The following EML6 variants were observed in gnomAD, a reference collection of about 807,000 sequenced individuals.
EML6 encodes echinoderm microtubule-associated protein-like 6.
EML6 carries 154 observed loss-of-function variants against 240.1 expected under a neutral mutation model. The ratio of observed to expected loss-of-function variants is 0.64; its 90% CI spans 0.56 to 0.73. The LOEUF is 0.73. Among genes scored for constraint, EML6 ranks in the 30% least tolerant of loss-of-function variants. EML6 has a pLI of 0.00. For missense variants in EML6, 2,964 were observed against 2,474.6 expected (o/e 1.20, Z -4.20); for synonymous variants, 1,148 against 899.0 (o/e 1.28, Z -4.95).
intron 2 of EML6, among the ~76,000 whole-genome samples, chr2:54,807,257 A>C (rs940315488): frequency 6.6e-6 from 1 of 152,238 alleles, no homozygotes; most frequent in African/African-American, 2.4e-5. Flanking sequence ...GCAAATGATT[A>C]AAGTTCCAAT....
chr2:54,892,165 C>G (rs949082133), intron 18 of EML6, among the ~76,000 whole-genome samples: 1 of 152,184 alleles, frequency 6.6e-6, no homozygotes, highest in African/African-American at 2.4e-5. Context: ...TGATTGCTCT[C>G]TCCAGCCAGA....
intron 28 of EML6, among the ~76,000 whole-genome samples, chr2:54,940,772 C>T (rs1178046750): frequency 2.0e-5 from 3 of 152,152 alleles, no homozygotes; most frequent in African/African-American, 7.2e-5. Context: ...CCAGTTGGCC[C>T]TGGGACTGCA....
At chr2:54,793,257 A>C (rs1180033529) in intron 2 of EML6, among the ~76,000 whole-genome samples, 1 of 152,170 alleles carries the variant, frequency 6.6e-6, no homozygotes, top group East Asian at 1.9e-4. Flanking sequence ...ACAGAGCAAG[A>C]CTGTCACAAA....
chr2:54,971,848 ATGAAAAACTTATT>A lies in EML6; in HGVS notation c.*1756_*1768del, dbSNP rs1284977718. On this transcript the variant is annotated 3_prime_UTR_variant, in exon 42 of 42. Coordinates refer to ENST00000356458, the MANE Select transcript of EML6 (RefSeq NM_001039753.4). ...TAAAGAGCAATAGTGTCCGTGTGTCATGAAAAACTTATTTGTAAACGTTTATATGGTATGATTT... is the reference window on the plus strand; with the variant it reads ...TAAAGAGCAATAGTGTCCGTGTGTCATGTAAACGTTTATATGGTATGATTT... The A allele has an allele frequency of 6.6e-6, 1 of 152,264 alleles. No homozygotes were observed. The highest frequency in any genetic ancestry group is 1.5e-5 in the Non-Finnish European group (1 of 68,038). 9.4% of individuals were successfully genotyped at this position (152,264 alleles called of 1,614,324 possible).
chr2:54,910,419 T>C (rs1300428195), intron 24 of EML6, among the ~76,000 whole-genome samples: 1 of 152,254 alleles, frequency 6.6e-6, no homozygotes, highest in East Asian at 1.9e-4. Context: ...TGGATTTCTT[T>C]TCAAATGTTC....
At chr2:54,814,701 G>C (rs1668006452) in intron 3 of EML6, among the ~76,000 whole-genome samples, 1 of 152,226 alleles carries the variant, frequency 6.6e-6, no homozygotes, top group Non-Finnish European at 1.5e-5. Flanking sequence ...TATAGGAGTT[G>C]ACCTGGGTTG....
intron 13 of EML6, among the ~76,000 whole-genome samples, chr2:54,865,184 G>T (rs1670904342): frequency 6.6e-6 from 1 of 152,076 alleles, no homozygotes; most frequent in Non-Finnish European, 1.5e-5. Context: ...TAATAAAATG[G>T]TGCTAGTAGA....
chr2:54,950,523 G>A, intron 29 of EML6, 127 bp from the exon 30 acceptor site: 2 of 991,156 alleles, frequency 2.0e-6, no homozygotes, highest in South Asian at 3.6e-5. Context: ...TTTTCAGTGA[G>A]TGTGTGTTGG....
chr2:54,830,482 A>G (rs1325139042), intron 7 of EML6, among the ~76,000 whole-genome samples: 1 of 152,200 alleles, frequency 6.6e-6, no homozygotes, highest in African/African-American at 2.4e-5. Context: ...CCTGTGACAT[A>G]GGGCTCAAAG....
intron 21 of EML6, among the ~76,000 whole-genome samples, chr2:54,896,012 C>T (rs144350062): frequency 1.2e-4 from 19 of 152,310 alleles, no homozygotes; most frequent in African/African-American, 4.6e-4. Flanking sequence ...ACAGGTCATA[C>T]CACACTCAAA....
chr2:54,854,904 C>G (rs35727501), intron 11 of EML6, among the ~76,000 whole-genome samples: 1 of 152,226 alleles, frequency 6.6e-6, no homozygotes, highest in Admixed American at 6.5e-5. Flanking sequence ...TAAGTTAGGC[C>G]TCCAAGAAAG....
At chr2:54,932,173 C>T (rs918526593) in intron 28 of EML6, among the ~76,000 whole-genome samples, 2 of 152,220 alleles carry the variant, frequency 1.3e-5, no homozygotes, top group Non-Finnish European at 2.9e-5. Context: ...TCCTGGGCTA[C>T]ACCTACCAGA....
chr2:54,914,058 G>A (rs975043628), intron 25 of EML6, among the ~76,000 whole-genome samples: 26 of 152,292 alleles, frequency 1.7e-4, no homozygotes, highest in African/African-American at 6.0e-4. Context: ...CTGTAGCCTT[G>A]TAGTATACTT....
At chr2:54,863,472 G>A (rs1385354828) in intron 12 of EML6, among the ~76,000 whole-genome samples, 1 of 152,110 alleles carries the variant, frequency 6.6e-6, no homozygotes, top group African/African-American at 2.4e-5. Flanking sequence ...AGTGAGCTGA[G>A]ATTGTGCCAC....
intron 2 of EML6, among the ~76,000 whole-genome samples, chr2:54,727,066 G>A (rs548399080): frequency 6.6e-6 from 1 of 152,326 alleles, no homozygotes; most frequent in East Asian, 1.9e-4. Flanking sequence ...AAGCAGCCGG[G>A]CTAGTGGGAT....
At chr2:54,897,005 C>T (rs1417382438) in intron 21 of EML6, among the ~76,000 whole-genome samples, 1 of 152,184 alleles carries the variant, frequency 6.6e-6, no homozygotes, top group Admixed American at 6.5e-5. Flanking sequence ...TGTTCTCCAG[C>T]TGTTCTTGCT....
At chr2:54,866,240 TG>T in intron 13 of EML6, among the ~76,000 whole-genome samples, 1 of 152,268 alleles carries the variant, frequency 6.6e-6, no homozygotes, top group East Asian at 1.9e-4. Context: ...AAACAACAGA[TG>T]GGTTTTTATA....
chr2:54,950,448 C>A (rs890029412), intron 29 of EML6, among the ~76,000 whole-genome samples: 1 of 152,186 alleles, frequency 6.6e-6, no homozygotes, highest in Non-Finnish European at 1.5e-5. Context: ...AGACTGCCAC[C>A]CCAGCATTTC....
chr2:54,807,896 A>C (rs1183340694), intron 2 of EML6, among the ~76,000 whole-genome samples: 3 of 152,314 alleles, frequency 2.0e-5, no homozygotes, highest in Non-Finnish European at 4.4e-5. Context: ...CCATTCTTTT[A>C]TACGAAGGTA....
Sources: gnomAD v4.1 joint callset for allele counts (sites outside exome capture counted in the v4.1 genomes callset) on GRCh38, gnomAD v4.1.1 for gene constraint, MANE v1.5 for transcripts, NCBI Gene and HGNC (gene_info 2026-07-23, HGNC 2026-07-21) for gene names.